The following SETD2 variants were observed in gnomAD, a reference collection of about 807,000 sequenced individuals.
SETD2 encodes SET domain containing 2, histone lysine methyltransferase.
Under a neutral mutation model 242.1 loss-of-function variants are expected in SETD2, and 31 were observed. The ratio of observed to expected loss-of-function variants is 0.13; its 90% CI spans 0.10 to 0.17. The LOEUF (loss-of-function observed/expected upper bound fraction) is 0.17, where lower values mean the gene tolerates loss of function less well. SETD2 is among the 10% of genes least tolerant of loss of function. SETD2 has a pLI of 1.00. For missense variants in SETD2, 2,481 were observed against 3,046.3 expected (o/e 0.81, Z 4.37); for synonymous variants, 1,006 against 1,066.5 (o/e 0.94, Z 1.11).
At chr3:47,058,681 A>G (rs2107581161) in intron 14 of SETD2, among the ~76,000 whole-genome samples, 1 of 152,198 alleles carries the variant, frequency 6.6e-6, no homozygotes, top group African/African-American at 2.4e-5. Context: ...AATGCTATAT[A>G]CTATATATCA....
Position 47,122,829 on chromosome 3 carries a change from T to A in SETD2, c.1807A>T (p.Ile603Phe), listed in dbSNP as rs2106688465. The stretch of plus-strand genomic sequence containing the variant: ...TTTTCTCTTTCAGGATTTTTATTAA[T>A]CATTCTTAATTCACTACCTTTTGAA... Reference protein sequence around the residue: ...PCSKGSELRMINKNPEREKAG... With the variant: ...PCSKGSELRMFNKNPEREKAG... The change falls in exon 3 of 21, where the codon ATT becomes TTT. Residue 603 changes from isoleucine to phenylalanine, a missense_variant. By Grantham distance (21) the Ile-to-Phe change is conservative. Around this residue, in one of 17 missense-constraint regions of SETD2, gnomAD observed 1,300 missense variants for 1,259.2 expected, o/e 1.03. Coordinates refer to ENST00000409792, the MANE Select transcript of SETD2 (RefSeq NM_014159.7). 1 of 1,613,574 alleles carries A rather than the reference T, an allele frequency of 6.2e-7. No homozygotes were observed. The highest frequency in any genetic ancestry group is 1.1e-5 in the South Asian group (1 of 90,998).
chr3:47,098,744 C>T (rs1380706530), intron 8 of SETD2, among the ~76,000 whole-genome samples: 2 of 151,872 alleles, frequency 1.3e-5, no homozygotes, highest in African/African-American at 2.4e-5. Context: ...TGCAGTGAGC[C>T]GAGATTGCAC....
chr3:47,037,959 T>C (rs1487636382), intron 17 of SETD2, among the ~76,000 whole-genome samples, 182 bp from the exon 18 acceptor site: 1 of 152,236 alleles, frequency 6.6e-6, no homozygotes, highest in African/African-American at 2.4e-5. Flanking sequence ...CACAGAGATA[T>C]GCCCCTCTTC....
intron 16 of SETD2, among the ~76,000 whole-genome samples, chr3:47,046,030 T>C (rs1051952163): frequency 2.0e-5 from 3 of 151,868 alleles, no homozygotes; most frequent in Non-Finnish European, 4.4e-5. Flanking sequence ...GTGAATTTGG[T>C]GGCTACACAA....
At chr3:47,069,947 T>C (rs1426487455) in intron 12 of SETD2, among the ~76,000 whole-genome samples, 1 of 152,172 alleles carries the variant, frequency 6.6e-6, no homozygotes, top group Non-Finnish European at 1.5e-5. Flanking sequence ...GAAATGACAT[T>C]TGCATTAGGT....
intron 1 of SETD2, among the ~76,000 whole-genome samples, chr3:47,153,692 A>G (rs1489260075): frequency 4.0e-5 from 6 of 151,890 alleles, no homozygotes; most frequent in Admixed American, 1.3e-4. Context: ...GTTCGAGGCT[A>G]CAGTGAACTG....
intron 5 of SETD2, 76 bp from the exon 6 acceptor site, chr3:47,106,196 A>C (rs1029887779): frequency 1.5e-6 from 2 of 1,306,570 alleles, no homozygotes; most frequent in African/African-American, 3.0e-5. Context: ...AGGCAAAAAT[A>C]AGGAATTTAA....
At chr3:47,092,721 C>T (rs933334902) in intron 9 of SETD2, among the ~76,000 whole-genome samples, 1 of 151,848 alleles carries the variant, frequency 6.6e-6, no homozygotes, top group African/African-American at 2.4e-5. Context: ...ATACAACATA[C>T]AGTATGCAGA....
At chr3:47,057,512 C>CA (rs1427377912) in intron 14 of SETD2, 22 bp from the exon 15 acceptor site, 2 of 1,582,390 alleles carry the variant, frequency 1.3e-6, no homozygotes, top group African/African-American at 1.4e-5. Flanking sequence ...ATAAGGACCA[C>CA]AAAAAGTTGC....
Position 47,116,683 on chromosome 3 carries a change from C to T in SETD2, c.4526G>A (p.Arg1509Lys), listed in dbSNP as rs528393799. The change falls in exon 4 of 21, where the codon AGA becomes AAA. Residue 1509 changes from arginine (R) to lysine (K), a missense_variant. By Grantham distance (26) the Arg-to-Lys change is conservative. This residue lies in a region of SETD2 where 48 missense variants were observed against 76.6 expected (regional missense o/e 0.63). Coordinates refer to ENST00000409792, the MANE Select transcript of SETD2 (RefSeq NM_014159.7). ...CCCACATGCTATTTCACCTTGAGCT[C>T]TTTCATCTTTAGAAAGAGGTGTACA... ...CECTPLSKDE[R>K]AQGEIACGED... 1 of 1,612,434 alleles carries T rather than the reference C, an allele frequency of 6.2e-7. No individual in the cohort carries two copies. The highest frequency in any genetic ancestry group is 1.1e-5 in the South Asian group (1 of 91,042).
chr3:47,117,274 AAAAAAACAAAC>A (rs2042895175), intron 3 of SETD2, among the ~76,000 whole-genome samples: 2 of 139,460 alleles, frequency 1.4e-5, no homozygotes, highest in African/African-American at 6.1e-5. Context: ...AAAAAAAAAA[AAAAAAACAAAC>A]AAAAAAAAAA....
chr3:47,117,716 G>C (rs144527504), intron 3 of SETD2, among the ~76,000 whole-genome samples: 82 of 152,314 alleles, frequency 5.4e-4, no homozygotes, highest in Non-Finnish European at 8.8e-4. Context: ...AAATGTTTAA[G>C]AGGGCTCAAC....
At chr3:47,082,961 TTAAG>T (rs2041380244) in intron 12 of SETD2, among the ~76,000 whole-genome samples, 1 of 152,202 alleles carries the variant, frequency 6.6e-6, no homozygotes. Flanking sequence ...TAGAAGCTAG[TTAAG>T]TAACCTGTTC....
chr3:47,017,842 C>T lies in SETD2; in HGVS notation c.7432-103G>A, dbSNP rs942945789. The T allele has an allele frequency of 3.7e-6, 3 of 800,414 alleles. No homozygotes were observed. The African/African-American group carries it at 5.1e-5, about 13-fold the overall frequency. 49.6% of individuals were successfully genotyped at this position (800,414 alleles called of 1,614,324 possible). A position where few individuals can be genotyped will look rare whatever the true frequency, so the allele number is the denominator to read the frequency against. ...AAGGTAGTGAGTAAAGCCAGCCAAT[C>T]CTTCTCCTTTTCCTCCCTCAGGTTA... On this transcript the variant is annotated intron_variant, in intron 19 of 20. Coordinates refer to ENST00000409792, the MANE Select transcript of SETD2 (RefSeq NM_014159.7). The surrounding 1 kb of genome is among the most constrained non-coding windows in gnomAD (Gnocchi z 4.8).
chr3:47,048,944 G>A (rs968537279), intron 15 of SETD2, among the ~76,000 whole-genome samples: 2 of 151,940 alleles, frequency 1.3e-5, no homozygotes, highest in African/African-American at 2.4e-5. Context: ...GGGATTACAG[G>A]TGTGAGCCAC....
intron 15 of SETD2, among the ~76,000 whole-genome samples, chr3:47,054,408 G>A (rs2039971321): frequency 6.6e-6 from 1 of 152,126 alleles, no homozygotes; most frequent in Non-Finnish European, 1.5e-5. Context: ...TTAGGCTCTA[G>A]TACTGAGATG....
chr3:47,019,737 T>G (rs1344793124), intron 19 of SETD2, 23 bp downstream of exon 19: 3 of 1,590,670 alleles, frequency 1.9e-6, no homozygotes, highest in African/African-American at 1.3e-5. Context: ...AGGAGCTTAG[T>G]GCTTATATCC....
chr3:47,100,248 G>A (rs887918081), intron 8 of SETD2, among the ~76,000 whole-genome samples: 8 of 150,148 alleles, frequency 5.3e-5, no homozygotes, highest in East Asian at 2.0e-4. Flanking sequence ...CCTCCCAGGC[G>A]TAGTTTTTTG....
chr3:47,124,643 C>A (rs2106731707), intron 2 of SETD2, 95 bp from the exon 3 acceptor site: 1 of 1,090,292 alleles, frequency 9.2e-7, no homozygotes. Context: ...AAATGAAAAG[C>A]CCTTTTTAAT....
Sources: gnomAD v4.1 joint callset for allele counts (sites outside exome capture counted in the v4.1 genomes callset) on GRCh38, gnomAD v4.1.1 for gene constraint, gnomAD v4.1.1 regional missense constraint, Gnocchi (gnomAD v3.1) non-coding constraint, MANE v1.5 for transcripts, NCBI Gene and HGNC (gene_info 2026-07-23, HGNC 2026-07-21) for gene names.